Variants in TNFRSF19 observed in about 807,000 individuals in gnomAD.
The protein encoded by TNFRSF19 is tumor necrosis factor receptor superfamily member 19.
TNFRSF19 carries 27 observed loss-of-function variants against 46.4 expected under a neutral mutation model. The observed-to-expected ratio is 0.58, with a 90% CI of 0.43 to 0.80. TNFRSF19 has a LOEUF of 0.80. Among genes scored for constraint, TNFRSF19 ranks in the 30% least tolerant of loss-of-function variants. TNFRSF19 has a pLI of 0.00. For synonymous variants in TNFRSF19, 204 were observed against 205.0 expected, an observed-to-expected ratio of 1.00 and a Z score of 0.04; for missense variants, 511 against 530.8, an observed-to-expected ratio of 0.96 and a Z score of 0.37.
chr13:23,664,809 A>G (rs970991480), intron 7 of TNFRSF19, among the ~76,000 whole-genome samples: 1 of 152,196 alleles, frequency 6.6e-6, no homozygotes, highest in African/African-American at 2.4e-5. Flanking sequence ...CCATTGCCCT[A>G]GGCTACAAAC....
At chr13:23,655,008 A>T (rs1281352850) in intron 5 of TNFRSF19, among the ~76,000 whole-genome samples, 1 of 152,140 alleles carries the variant, frequency 6.6e-6, no homozygotes, top group Non-Finnish European at 1.5e-5. Context: ...TCTCCAATAG[A>T]TGTGTTTCAA....
rs767945867 is a variant in TNFRSF19 at position 23,668,743 on chromosome 13, G to T, written c.891G>T (p.Thr297=). ...EMVPTFFGSL[T]QSICGEFSDA... ...TGCCGACTTTCTTCGGATCCCTCACGCAGTCCATCTGTGGCGAGTTTTCAG... is the reference window on the plus strand; with the variant it reads ...TGCCGACTTTCTTCGGATCCCTCACTCAGTCCATCTGTGGCGAGTTTTCAG... The change falls in exon 9 of 10, where the codon ACG becomes ACT. Residue 297 remains threonine, a synonymous_variant. Coordinates refer to ENST00000248484, the MANE Select transcript of TNFRSF19 (RefSeq NM_148957.4). 1.2e-6 allele frequency: 2 copies of T among 1,614,118 alleles called. No individual in the cohort carries two copies. The highest frequency in any genetic ancestry group is 2.7e-5 in the African/African-American group (2 of 74,942).
intron 7 of TNFRSF19, among the ~76,000 whole-genome samples, chr13:23,662,966 G>T (rs1488557112): frequency 6.6e-6 from 1 of 152,070 alleles, no homozygotes; most frequent in Non-Finnish European, 1.5e-5. Context: ...CTGCAAACAG[G>T]GATAGTTTGA....
At chr13:23,640,994 A>T (rs1425830633) in intron 5 of TNFRSF19, among the ~76,000 whole-genome samples, 2 of 152,174 alleles carry the variant, frequency 1.3e-5, no homozygotes, top group African/African-American at 4.8e-5. Context: ...ATAAGTCCAA[A>T]CCCAGGTCGT....
chr13:23,647,974 C>T (rs868230671), intron 5 of TNFRSF19, among the ~76,000 whole-genome samples: 1 of 152,134 alleles, frequency 6.6e-6, no homozygotes, highest in Non-Finnish European at 1.5e-5. Flanking sequence ...CACCACCCCC[C>T]CTTTTTTTTA....
intron 5 of TNFRSF19, among the ~76,000 whole-genome samples, chr13:23,635,033 TGG>T (rs1214032662): frequency 1.3e-5 from 2 of 151,990 alleles, no homozygotes; most frequent in African/African-American, 4.8e-5. Flanking sequence ...CTTCACATAA[TGG>T]TCCATGGTGT....
In TNFRSF19 at chr13:23,673,514, A is replaced by T; in HGVS notation, c.*134A>T. The T allele has an allele frequency of 7.4e-7, 1 of 1,352,376 alleles. No homozygotes were observed. Among genetic ancestry groups the T allele is most frequent in the Non-Finnish European group, 9.6e-7 (1 of 1,040,846 alleles). 83.8% of individuals were successfully genotyped at this position (1,352,376 alleles called of 1,614,324 possible). A position where few individuals can be genotyped will look rare whatever the true frequency, so the allele number is the denominator to read the frequency against. Reference sequence around the variant, plus strand: ...AATAAATCTGAACCAAACTGACGGCATTTGAAGCCTTTCAGCCAGTTGCTT... The same window carrying T: ...AATAAATCTGAACCAAACTGACGGCTTTTGAAGCCTTTCAGCCAGTTGCTT... On this transcript the variant is annotated 3_prime_UTR_variant, in exon 10 of 10. Transcript: ENST00000248484.
rs183004022 is a variant in TNFRSF19 at position 23,659,970 on chromosome 13, G to C, written c.611-395G>C. 6.6e-6 allele frequency among the ~76,000 whole-genome samples: 1 copy of C among 151,606 alleles called. No individual in the cohort carries two copies. Among genetic ancestry groups the C allele is most frequent in the Non-Finnish European group, 1.5e-5 (1 of 67,828 alleles). On this transcript the variant is annotated intron_variant, in intron 6 of 9. Transcript: ENST00000248484. The surrounding 1 kb of genome is among the most constrained non-coding windows in gnomAD (Gnocchi z 4.9). The stretch of plus-strand genomic sequence containing the variant: ...TCATCTTCATGTTGAGTGGGCTGAG[G>C]AGGAGGAGGAGGAGGGTTGGCCTTG...
At chr13:23,672,044 G>A (rs1951769571) in intron 9 of TNFRSF19, among the ~76,000 whole-genome samples, 1 of 152,102 alleles carries the variant, frequency 6.6e-6, no homozygotes, top group African/African-American at 2.4e-5. Context: ...GAGCAGCTGT[G>A]GCCAAACAGC....
At chr13:23,649,703 C>T (rs933172485) in intron 5 of TNFRSF19, among the ~76,000 whole-genome samples, 1 of 152,092 alleles carries the variant, frequency 6.6e-6, no homozygotes, top group Non-Finnish European at 1.5e-5. Context: ...AGATTTCCCT[C>T]TGAGCACTGC....
intron 7 of TNFRSF19, among the ~76,000 whole-genome samples, chr13:23,663,841 G>A (rs1205533604): frequency 6.6e-6 from 1 of 152,012 alleles, no homozygotes; most frequent in Non-Finnish European, 1.5e-5. Flanking sequence ...TATTTCTGTG[G>A]GGTCAGTGGT....
At chr13:23,645,256 G>GCAGT (rs1195723817) in intron 5 of TNFRSF19, among the ~76,000 whole-genome samples, 4 of 152,168 alleles carry the variant, frequency 2.6e-5, no homozygotes, top group Non-Finnish European at 4.4e-5. Context: ...AGGCTGGAAT[G>GCAGT]CAGTCGTGTG....
At chr13:23,673,335 C>A (rs144690354) in intron 9 of TNFRSF19, 37 bp from the exon 10 acceptor site, 2 of 1,584,464 alleles carry the variant, frequency 1.3e-6, no homozygotes, top group East Asian at 4.5e-5. Context: ...ACTTGTAAGA[C>A]ATTATTTCTA....
At chr13:23,628,646 C>G (rs1882158348) in intron 5 of TNFRSF19, among the ~76,000 whole-genome samples, 2 of 152,134 alleles carry the variant, frequency 1.3e-5, no homozygotes, top group Non-Finnish European at 2.9e-5. Flanking sequence ...TCTGACTAAG[C>G]TCAGATATCA....
At chr13:23,640,597 T>C (rs538758420) in intron 5 of TNFRSF19, among the ~76,000 whole-genome samples, 2 of 152,330 alleles carry the variant, frequency 1.3e-5, no homozygotes, top group South Asian at 4.1e-4. Flanking sequence ...CCTGCACACC[T>C]TCTCCTCTCA....
intron 3 of TNFRSF19, among the ~76,000 whole-genome samples, chr13:23,614,746 CATAT>C (rs59117822): frequency 2.1e-4 from 28 of 134,882 alleles, no homozygotes; most frequent in South Asian, 7.8e-4. Context: ...ATAAGTAATA[CATAT>C]ATATATATAT....
chr13:23,637,197 G>T (rs1882744505), intron 5 of TNFRSF19, among the ~76,000 whole-genome samples: 1 of 151,982 alleles, frequency 6.6e-6, no homozygotes, highest in Non-Finnish European at 1.5e-5. Context: ...TAAAATCAGG[G>T]GAAGCTCTCT....
At chr13:23,633,676 C>T (rs948694752) in intron 5 of TNFRSF19, among the ~76,000 whole-genome samples, 2 of 152,068 alleles carry the variant, frequency 1.3e-5, no homozygotes, top group African/African-American at 4.8e-5. Context: ...TGACGAAACC[C>T]TGTCTCTATT....
At chr13:23,652,085 C>T (rs1046276692) in intron 5 of TNFRSF19, among the ~76,000 whole-genome samples, 1 of 151,982 alleles carries the variant, frequency 6.6e-6, no homozygotes, top group Non-Finnish European at 1.5e-5. Flanking sequence ...TAGGGGCTGG[C>T]CCCTGCACTT....
Sources: gnomAD v4.1 joint callset for allele counts (sites outside exome capture counted in the v4.1 genomes callset) on GRCh38, gnomAD v4.1.1 for gene constraint, Gnocchi (gnomAD v3.1) non-coding constraint, MANE v1.5 for transcripts, NCBI Gene and HGNC (gene_info 2026-07-23, HGNC 2026-07-21) for gene names.